ADAMTSL1: variants seen among roughly 807,000 people sequenced by gnomAD.
The protein encoded by ADAMTSL1 is ADAMTS like 1.
A neutral mutation model predicts 201.8 loss-of-function variants in ADAMTSL1; 126 were observed. That is an observed-to-expected ratio of 0.62 (90% CI 0.54 to 0.72). The LOEUF (loss-of-function observed/expected upper bound fraction) is 0.72. Ranked by LOEUF, ADAMTSL1 falls within the 30% of genes least tolerant of loss-of-function variation. ADAMTSL1 has a pLI of 0.00. For synonymous variants in ADAMTSL1, 1,121 were observed against 903.4 expected (o/e 1.24, Z -4.32); for missense variants, 2,679 against 2,277.8 (o/e 1.18, Z -3.59).
rs145070230 is a variant in ADAMTSL1 at position 18,068,409 on chromosome 9, A to T, written c.88-95453A>T. On this transcript the variant is annotated intron_variant, in intron 1 of 29. Coordinates refer to the ADAMTSL1 transcript ENST00000680146. ...GAATTAGGTATTATAAGTAATCTAC[A>T]GATCATTTAATGTTTACAAGAAGGT... Among the ~76,000 whole-genome samples the T allele has an allele frequency of 4.1e-3, 620 of 152,348 alleles. 7 individuals carry two copies. Among genetic ancestry groups the T allele is most frequent in the African/African-American group, 0.014 (569 of 41,584 alleles).
intron 3 of ADAMTSL1, among the ~76,000 whole-genome samples, chr9:18,542,663 C>G (rs1392313909): frequency 1.3e-5 from 2 of 152,086 alleles, no homozygotes; most frequent in Non-Finnish European, 2.9e-5. Context: ...TGATGTTGGC[C>G]TCCTAGACTC....
chr9:18,008,398 A>G (rs759211200), intron 1 of ADAMTSL1, among the ~76,000 whole-genome samples: 1 of 151,892 alleles, frequency 6.6e-6, no homozygotes, highest in Non-Finnish European at 1.5e-5. Context: ...ATAACAAACA[A>G]ACTTTTTTAC....
Position 17,983,952 on chromosome 9 carries a change from G to T in ADAMTSL1, c.87+77030G>T, listed in dbSNP as rs1818822759. Among the ~76,000 whole-genome samples the T allele has an allele frequency of 2.0e-5, 3 of 152,004 alleles. 1 individual carries two copies. The highest frequency in any genetic ancestry group is 6.6e-5 in the Admixed American group (1 of 15,252). On this transcript the variant is annotated intron_variant, in intron 1 of 29. Transcript: ENST00000680146. ...AGGCAGTTTAAAAAATACATTACTT[G>T]GTTTGTAAATAGATAATGAGATTAA...
At chr9:18,002,228 A>G (rs1015465937) in intron 1 of ADAMTSL1, among the ~76,000 whole-genome samples, 2 of 152,054 alleles carry the variant, frequency 1.3e-5, no homozygotes, top group African/African-American at 4.8e-5. Flanking sequence ...GGGCAGAAGG[A>G]GAATGTTGAA....
In ADAMTSL1 at chr9:18,040,765, GA is replaced by G. The variant is rs910442076; in HGVS notation, c.88-123087del. On this transcript the variant is annotated intron_variant, in intron 1 of 29. Coordinates refer to the ADAMTSL1 transcript ENST00000680146. ...TTTCTTTCTGGAAGCTAAGTGAAAT[GA>G]AAAAAAAAATACTTTGGGAAGGTTA... Among the ~76,000 whole-genome samples the G allele has an allele frequency of 6.4e-4, 94 of 147,708 alleles. 1 individual carries two copies. The highest frequency in any genetic ancestry group is 2.4e-3 in the East Asian group (12 of 5,090).
chr9:18,311,995 C>T lies in ADAMTSL1; in HGVS notation c.207+148014C>T, dbSNP rs576221933. On this transcript the variant is annotated intron_variant, in intron 2 of 29. Coordinates refer to the ADAMTSL1 transcript ENST00000680146. ...AATGCCTTTTACGTGCTGTTCTGGG[C>T]ACTAATGATAAAACAGCAATTAAAG... Among the ~76,000 whole-genome samples the T allele has an allele frequency of 3.9e-5, 6 of 152,282 alleles. No individual in the cohort carries two copies. The South Asian group carries it at 1.2e-3, about 32-fold the overall frequency.
intron 2 of ADAMTSL1, among the ~76,000 whole-genome samples, chr9:18,173,224 CTG>C (rs1199567380): frequency 1.3e-5 from 2 of 152,108 alleles, no homozygotes; most frequent in African/African-American, 4.8e-5. Flanking sequence ...TAAATGGTAA[CTG>C]TTTTTATTAG....
At chr9:18,649,003 T>C (rs1368876732) in intron 7 of ADAMTSL1, among the ~76,000 whole-genome samples, 2 of 152,212 alleles carry the variant, frequency 1.3e-5, no homozygotes, top group African/African-American at 2.4e-5. Flanking sequence ...GGTTCCATTC[T>C]CCCCATCACT....
chr9:18,005,791 G>T (rs1324201696), intron 1 of ADAMTSL1, among the ~76,000 whole-genome samples: 1 of 151,976 alleles, frequency 6.6e-6, no homozygotes, highest in Non-Finnish European at 1.5e-5. Context: ...CTAGCCTTTA[G>T]GTGAGTTTAC....
Position 18,867,946 on chromosome 9 carries a change from G to C in ADAMTSL1, c.4250-19885G>C, listed in dbSNP as rs111982093. Among the ~76,000 whole-genome samples the C allele has an allele frequency of 4.6e-5, 7 of 152,190 alleles. 1 individual carries two copies. The highest frequency in any genetic ancestry group is 1.4e-4 in the African/African-American group (6 of 41,544). On this transcript the variant is annotated intron_variant, in intron 23 of 28. Coordinates refer to ENST00000380548, the MANE Select transcript of ADAMTSL1 (RefSeq NM_001040272.6). ...TGGCTGAAATACATACATCTTAACC[G>C]CACAATTTTAACAGACACACACCCA... is the stretch of plus-strand genomic sequence containing the variant.
rs373215270 is a variant in ADAMTSL1, at chr9:18,579,786, G to A, written c.474+5520G>A. Among the ~76,000 whole-genome samples the A allele has an allele frequency of 1.9e-4, 29 of 152,250 alleles. 1 individual carries two copies. The highest frequency in any genetic ancestry group is 6.5e-4 in the African/African-American group (27 of 41,540). Reference sequence around the variant, plus strand: ...ATTGCATCCTGTACAGAGTTAATGAGCCATCACAAATAGGATCAGTTCTAT... The same window carrying A: ...ATTGCATCCTGTACAGAGTTAATGAACCATCACAAATAGGATCAGTTCTAT... On this transcript the variant is annotated intron_variant, in intron 4 of 28. Transcript: ENST00000380548.
chr9:18,276,245 G>C (rs532703280), intron 2 of ADAMTSL1, among the ~76,000 whole-genome samples: 58 of 152,088 alleles, frequency 3.8e-4, no homozygotes, highest in Admixed American at 2.4e-3. Context: ...TTTTAGAAAA[G>C]AGTTCTTTGT....
At chr9:18,558,296 G>C (rs992054182) in intron 3 of ADAMTSL1, among the ~76,000 whole-genome samples, 1 of 152,164 alleles carries the variant, frequency 6.6e-6, no homozygotes, top group Non-Finnish European at 1.5e-5. Flanking sequence ...TGCTGAGAAT[G>C]ATGGTTTCCA....
chr9:18,806,490 A>AT (rs1420350486), intron 20 of ADAMTSL1, among the ~76,000 whole-genome samples: 8 of 152,226 alleles, frequency 5.3e-5, no homozygotes, highest in African/African-American at 1.9e-4. Context: ...CAAAGTTTCT[A>AT]TTAGCAGAGG....
intron 23 of ADAMTSL1, among the ~76,000 whole-genome samples, chr9:18,871,428 G>T (rs1027824093): frequency 3.3e-5 from 5 of 151,930 alleles, no homozygotes; most frequent in African/African-American, 1.2e-4. Flanking sequence ...TTCAATCACT[G>T]AATTCTAGAG....
chr9:18,343,039 T>C (rs529463807), intron 2 of ADAMTSL1, among the ~76,000 whole-genome samples: 1 of 151,922 alleles, frequency 6.6e-6, no homozygotes, highest in Admixed American at 6.6e-5. Context: ...GTTTTGTTTT[T>C]TTTTTGCCAA....
chr9:17,942,365 T>C (rs150746553), intron 1 of ADAMTSL1, among the ~76,000 whole-genome samples: 167 of 152,306 alleles, frequency 1.1e-3, no homozygotes, highest in Admixed American at 2.0e-3. Flanking sequence ...CATTTCTAAG[T>C]TATCTGTTGA....
intron 2 of ADAMTSL1, among the ~76,000 whole-genome samples, chr9:18,317,900 C>T (rs1191271989): frequency 1.3e-5 from 2 of 152,166 alleles, no homozygotes; most frequent in Non-Finnish European, 2.9e-5. Context: ...CGGATTTAGC[C>T]AGCTCTTTAA....
At chr9:18,435,371 G>A (rs1387747137) in intron 2 of ADAMTSL1, among the ~76,000 whole-genome samples, 1 of 152,184 alleles carries the variant, frequency 6.6e-6, no homozygotes, top group Non-Finnish European at 1.5e-5. Flanking sequence ...CTGCTCTGGG[G>A]ATGTCATGGT....
Sources: allele counts gnomAD v4.1 joint callset (sites outside exome capture counted in the v4.1 genomes callset), GRCh38; gene constraint gnomAD v4.1.1; transcripts MANE v1.5; gene names NCBI Gene and HGNC (gene_info 2026-07-23, HGNC 2026-07-21).